The following GNG12 variants were observed in gnomAD, a reference collection of about 807,000 sequenced individuals.
GNG12 encodes the protein guanine nucleotide-binding protein G(I)/G(S)/G(O) subunit gamma-12.
For missense variants in GNG12, 69 were observed against 83.8 expected, an observed-to-expected ratio of 0.82 and a Z score of 0.69; for synonymous variants, 28 against 29.7, an observed-to-expected ratio of 0.94 and a Z score of 0.19.
chr1:67,788,539 C>T (rs1646783187), intron 1 of GNG12, among the ~76,000 whole-genome samples: 1 of 151,680 alleles, frequency 6.6e-6, no homozygotes, highest in Admixed American at 6.6e-5. Flanking sequence ...TAGTGTCTTG[C>T]TACGTTTTCC....
intron 2 of GNG12, among the ~76,000 whole-genome samples, chr1:67,756,949 C>T (rs1333330621): frequency 6.6e-6 from 1 of 152,226 alleles, no homozygotes; most frequent in African/African-American, 2.4e-5. Flanking sequence ...CTGGACCATC[C>T]AGAGCCTCCA....
chr1:67,719,488 G>T (rs948587382), intron 2 of GNG12, among the ~76,000 whole-genome samples: 4 of 151,956 alleles, frequency 2.6e-5, no homozygotes, highest in Non-Finnish European at 4.4e-5. Context: ...GTTTTCCGAA[G>T]GACAAGATTT....
In GNG12 at chr1:67,726,430, C is replaced by A. The variant is rs1007196769; in HGVS notation, c.-26-18718G>T. Among the ~76,000 whole-genome samples the A allele has an allele frequency of 6.6e-5, 10 of 152,188 alleles. 1 individual carries two copies. The South Asian group carries it at 1.0e-3, about 16-fold the overall frequency. ...ATTCTTTTTCATAATTCAGGAAACA[C>A]AGGAACAACATATGCCTTGGGTTGG... On this transcript the variant is annotated intron_variant, in intron 2 of 3. Coordinates refer to ENST00000370982, the MANE Select transcript of GNG12 (RefSeq NM_018841.6).
At chr1:67,751,005 G>A (rs990637571) in intron 2 of GNG12, among the ~76,000 whole-genome samples, 2 of 152,084 alleles carry the variant, frequency 1.3e-5, no homozygotes, top group African/African-American at 4.8e-5. Flanking sequence ...TAAAAAAGAT[G>A]CATGAACTTT....
intron 2 of GNG12, among the ~76,000 whole-genome samples, chr1:67,714,366 G>A (rs1285294429): frequency 6.6e-6 from 1 of 152,102 alleles, no homozygotes; most frequent in Non-Finnish European, 1.5e-5. Context: ...GCTCACTCCC[G>A]TCCTGCCACT....
chr1:67,710,743 A>T (rs902812416), intron 2 of GNG12, among the ~76,000 whole-genome samples: 1 of 152,080 alleles, frequency 6.6e-6, no homozygotes, highest in South Asian at 2.1e-4. Context: ...CCTCATTCTG[A>T]TATCTGCGTT....
At chr1:67,731,426 A>C (rs550487027) in intron 2 of GNG12, among the ~76,000 whole-genome samples, 2 of 152,358 alleles carry the variant, frequency 1.3e-5, no homozygotes, top group Admixed American at 1.3e-4. Flanking sequence ...AAGGCCAAGG[A>C]GAGTTCAGAG....
chr1:67,824,035 G>C (rs998165072), intron 1 of GNG12, among the ~76,000 whole-genome samples: 1 of 152,162 alleles, frequency 6.6e-6, no homozygotes, highest in African/African-American at 2.4e-5. Context: ...GTAAGGTAAA[G>C]AAGAGTATAT....
At chr1:67,793,649 T>C (rs942852774) in intron 1 of GNG12, among the ~76,000 whole-genome samples, 4 of 152,204 alleles carry the variant, frequency 2.6e-5, no homozygotes, top group African/African-American at 9.6e-5. Context: ...CAAGTGGCTT[T>C]CTTCCGCTGT....
intron 2 of GNG12, among the ~76,000 whole-genome samples, chr1:67,709,904 T>TATATAGTTATA (rs1646273595): frequency 1.5e-5 from 1 of 66,660 alleles, no homozygotes; most frequent in African/African-American, 6.7e-5. Flanking sequence ...ATATATATTT[T>TATATAGTTATA]TATATAGTTA....
intron 2 of GNG12, among the ~76,000 whole-genome samples, chr1:67,738,536 T>C (rs1323974826): frequency 6.6e-6 from 1 of 152,152 alleles, no homozygotes; most frequent in Non-Finnish European, 1.5e-5. Flanking sequence ...TGGTCTCTAA[T>C]CTCTACCTGA....
Position 67,703,805 on chromosome 1 carries a change from C to T in GNG12, c.*1646G>A, listed in dbSNP as rs908612180. On this transcript the variant is annotated 3_prime_UTR_variant, in exon 4 of 4. Coordinates refer to ENST00000370982, the MANE Select transcript of GNG12 (RefSeq NM_018841.6). ...TTGAAAACAGTAATGCATTTGTCCA[C>T]CCTAAATGAGCTAATACTCAAAGCC... is the stretch of plus-strand genomic sequence containing the variant. The T allele has an allele frequency of 1.3e-5, 2 of 152,202 alleles. No homozygotes were observed. The highest frequency in any genetic ancestry group is 6.5e-5 in the Admixed American group (1 of 15,282). 9.4% of individuals were successfully genotyped at this position (152,202 alleles called of 1,614,324 possible). A position where few individuals can be genotyped will look rare whatever the true frequency, so the allele number is the denominator to read the frequency against.
At chr1:67,819,953 C>T (rs1646975819) in intron 1 of GNG12, among the ~76,000 whole-genome samples, 1 of 152,104 alleles carries the variant, frequency 6.6e-6, no homozygotes, top group Admixed American at 6.6e-5. Flanking sequence ...TGTCTCAGTC[C>T]CCTGCTTTGC....
rs575518588 is a variant in GNG12 at position 67,707,640 on chromosome 1, C to T, written c.47G>A (p.Arg16Lys). 2.4e-4 allele frequency: 380 copies of T among 1,608,430 alleles called. 1 individual carries two copies. The highest frequency in any genetic ancestry group is 1.2e-3 in the South Asian group (110 of 89,832). Residue 16 changes from arginine to lysine, a missense_variant, in exon 3 of 4, where the codon AGA becomes AAA. Coordinates refer to ENST00000370982, the MANE Select transcript of GNG12 (RefSeq NM_018841.6). ...ASTNNIAQAR[R>K]TVQQLRLEAS... ...TTCTAATCTTAACTGCTGCACAGTTCTCCTTGCCTGGGCTATATTGTTGGT... is the reference window on the plus strand; with the variant it reads ...TTCTAATCTTAACTGCTGCACAGTTTTCCTTGCCTGGGCTATATTGTTGGT...
chr1:67,794,012 A>G lies in GNG12; in HGVS notation c.-76-16505T>C, dbSNP rs1236595218. On this transcript the variant is annotated intron_variant, in intron 1 of 3. Coordinates refer to ENST00000370982, the MANE Select transcript of GNG12 (RefSeq NM_018841.6). ...GGGGGATAAACTCTCATAGAGAGACATAACAGGCACAAAAACCTTTCTCCT... is the reference window on the plus strand; with the variant it reads ...GGGGGATAAACTCTCATAGAGAGACGTAACAGGCACAAAAACCTTTCTCCT... Among the ~76,000 whole-genome samples, 3 of 152,354 alleles carry G rather than the reference A, an allele frequency of 2.0e-5. No individual in the cohort carries two copies. In the East Asian group the frequency reaches 5.8e-4, roughly 29 times the overall value.
At chr1:67,742,624 T>C (rs1646488986) in intron 2 of GNG12, among the ~76,000 whole-genome samples, 1 of 152,038 alleles carries the variant, frequency 6.6e-6, no homozygotes, top group African/African-American at 2.4e-5. Flanking sequence ...CAAAAAACAG[T>C]GTGTATAAAG....
At chr1:67,817,809 C>T (rs2492874) in intron 1 of GNG12, among the ~76,000 whole-genome samples, 19 of 128,636 alleles carry the variant, frequency 1.5e-4, no homozygotes, top group African/African-American at 2.4e-4. Context: ...TTTTTTTTTG[C>T]GATGTCTCAT....
chr1:67,826,631 A>G (rs1209870116), intron 1 of GNG12, among the ~76,000 whole-genome samples: 1 of 152,194 alleles, frequency 6.6e-6, no homozygotes, highest in African/African-American at 2.4e-5. Flanking sequence ...TCTAAAGGTT[A>G]CACCTTTCTA....
chr1:67,785,950 G>A (rs940099361), intron 1 of GNG12, among the ~76,000 whole-genome samples: 9 of 152,092 alleles, frequency 5.9e-5, no homozygotes, highest in Admixed American at 5.2e-4. Context: ...CACACACACA[G>A]CACACAAGTA....
Sources: allele counts gnomAD v4.1 joint callset (sites outside exome capture counted in the v4.1 genomes callset), GRCh38; gene constraint gnomAD v4.1.1; transcripts MANE v1.5; gene names NCBI Gene and HGNC (gene_info 2026-07-23, HGNC 2026-07-21).